PLA2G4E: variants seen among roughly 807,000 people sequenced by gnomAD.
PLA2G4E encodes the protein phospholipase A2 group IVE.
Under a neutral mutation model 109.1 loss-of-function variants are expected in PLA2G4E, and 84 were observed. The ratio of observed to expected loss-of-function variants is 0.77; its 90% CI spans 0.65 to 0.92. PLA2G4E has a LOEUF of 0.92. Among genes scored for constraint, PLA2G4E ranks in the 40% least tolerant of loss-of-function variants. PLA2G4E has a pLI of 0.00. For synonymous variants in PLA2G4E, 469 were observed against 436.1 expected (o/e 1.08, Z -0.94); for missense variants, 1,057 against 1,076.6 (o/e 0.98, Z 0.25).
At chr15:42,022,396 C>T (rs559839836) in intron 1 of PLA2G4E, among the ~76,000 whole-genome samples, 109 of 152,114 alleles carry the variant, frequency 7.2e-4, no homozygotes, top group African/African-American at 1.2e-3. Context: ...GATACAAGTG[C>T]CTTACATTTA....
rs538519665 is a variant in PLA2G4E at position 41,992,401 on chromosome 15, C to T, written c.1470+336G>A. Among the ~76,000 whole-genome samples, 107 of 152,310 alleles carry T rather than the reference C, an allele frequency of 7.0e-4. 1 individual carries two copies. Among genetic ancestry groups the T allele is most frequent in the African/African-American group, 2.5e-3 (104 of 41,582 alleles). On this transcript the variant is annotated intron_variant, in intron 13 of 19. Coordinates refer to ENST00000399518, the Ensembl canonical transcript of PLA2G4E. ...CTCTCCCCACCCCTAGGGTCAGACT[C>T]GCTTCATGGCGTCACTGCTCTCCAG...
rs147191125 is a variant in PLA2G4E, at chr15:42,013,948, A to G, written c.184-191T>C. ...CTCTTGTTGCCCAGGCTAGAGTGCC[A>G]TGGCGCGATCTCGGCTCACTGCAAC... is the stretch of plus-strand genomic sequence containing the variant. On this transcript the variant is annotated intron_variant, in intron 1 of 19. Coordinates refer to ENST00000399518, the Ensembl canonical transcript of PLA2G4E. 5.7e-3 allele frequency among the ~76,000 whole-genome samples: 707 copies of G among 123,660 alleles called. 3 individuals carry two copies. The highest frequency in any genetic ancestry group is 8.8e-3 in the Non-Finnish European group (559 of 63,504). The allele number at this position is 123,660 out of a possible 152,430, so 81.1% of individuals were successfully genotyped here.
At chr15:42,020,721 C>G (rs2068640179) in intron 1 of PLA2G4E, among the ~76,000 whole-genome samples, 1 of 152,150 alleles carries the variant, frequency 6.6e-6, no homozygotes, top group African/African-American at 2.4e-5. Context: ...CAGGGCCACC[C>G]AAGCAGGAGC....
chr15:41,993,709 G>A (rs1425655596), intron 12 of PLA2G4E, among the ~76,000 whole-genome samples: 1 of 152,112 alleles, frequency 6.6e-6, no homozygotes, highest in Non-Finnish European at 1.5e-5. Context: ...CTCCCTGGCA[G>A]TGCAGCTAGT....
At chr15:42,011,379 T>C (rs577598484) in intron 2 of PLA2G4E, among the ~76,000 whole-genome samples, 120 of 152,248 alleles carry the variant, frequency 7.9e-4, no homozygotes, top group African/African-American at 2.7e-3. Context: ...CAGGCATGCA[T>C]GGGGGCATGC....
At chr15:42,004,976 G>C (rs973804386) in exon 5 of PLA2G4E, 16 of 1,612,918 alleles carry the variant, frequency 9.9e-6, no homozygotes, top group Non-Finnish European at 1.4e-5. Context: ...GCTCTTCCAT[G>C]CCCTGGTAGG....
exon 3 of PLA2G4E, chr15:42,007,753 G>A (rs373381561): frequency 1.9e-6 from 3 of 1,612,798 alleles, no homozygotes; most frequent in Middle Eastern, 1.6e-4. Context: ...GGATCTGGAA[G>A]TTGAAGCTTT....
exon 13 of PLA2G4E, chr15:41,992,802 C>G (rs2068273378): frequency 1.2e-6 from 2 of 1,613,770 alleles, no homozygotes; most frequent in Non-Finnish European, 8.5e-7. Flanking sequence ...CTGTAGCCTT[C>G]CTGGCTGCGC....
At chr15:41,987,522 G>C in intron 16 of PLA2G4E, 147 bp from the exon 17 acceptor site, 1 of 709,838 alleles carries the variant, frequency 1.4e-6, no homozygotes, top group Non-Finnish European at 2.4e-6. Flanking sequence ...CAAGGTCCTG[G>C]CACTGGGGTT....
At chr15:42,004,081 C>T (rs1421637258) in intron 5 of PLA2G4E, among the ~76,000 whole-genome samples, 1 of 152,136 alleles carries the variant, frequency 6.6e-6, no homozygotes, top group African/African-American at 2.4e-5. Context: ...GAGGCCGAGG[C>T]AGGTGGATCA....
intron 1 of PLA2G4E, among the ~76,000 whole-genome samples, chr15:42,045,613 C>A (rs1889401014): frequency 6.6e-6 from 1 of 152,164 alleles, no homozygotes; most frequent in South Asian, 2.1e-4. Flanking sequence ...TCCCAGGACA[C>A]CACTTTCTCA....
intron 1 of PLA2G4E, among the ~76,000 whole-genome samples, chr15:42,047,087 A>G (rs1260294420): frequency 6.6e-6 from 1 of 152,242 alleles, no homozygotes; most frequent in African/African-American, 2.4e-5. Flanking sequence ...TTATGCTACT[A>G]TAACAGAATA....
chr15:42,001,085 G>T lies in PLA2G4E; in HGVS notation c.673+72C>A, dbSNP rs1179407209. ...CCAGGGAAGCCCTGGACTAGGTGGA[G>T]TCTGATGCTGATGGGATTTGGAAGC... On this transcript the variant is annotated intron_variant, in intron 7 of 19. Coordinates refer to ENST00000399518, the Ensembl canonical transcript of PLA2G4E. 13 of 1,474,266 alleles carry T rather than the reference G, an allele frequency of 8.8e-6. No individual in the cohort carries two copies. In the South Asian group the frequency reaches 1.3e-4, roughly 14 times the overall value. The allele number at this position is 1,474,266 out of a possible 1,614,324, so 91.3% of individuals were successfully genotyped here.
chr15:42,006,502 G>A (rs1182099080), intron 3 of PLA2G4E, among the ~76,000 whole-genome samples: 2 of 152,194 alleles, frequency 1.3e-5, no homozygotes, highest in Non-Finnish European at 2.9e-5. Context: ...CTGGGCCCCT[G>A]GGCACTGAAG....
intron 18 of PLA2G4E, among the ~76,000 whole-genome samples, chr15:41,985,274 T>C (rs1225201864): frequency 6.6e-6 from 1 of 152,226 alleles, no homozygotes; most frequent in Non-Finnish European, 1.5e-5. Context: ...ATTGTTTTCA[T>C]TGTTGCCCTG....
At chr15:42,001,294 A>G (rs1424004026) in intron 6 of PLA2G4E, 74 bp from the exon 7 acceptor site, 4 of 1,363,476 alleles carry the variant, frequency 2.9e-6, no homozygotes, top group African/African-American at 1.4e-5. Flanking sequence ...CTGAAGGGAG[A>G]TGAGGGACCA....
At chr15:42,045,270 C>T (rs929558904) in intron 1 of PLA2G4E, among the ~76,000 whole-genome samples, 1 of 152,098 alleles carries the variant, frequency 6.6e-6, no homozygotes, top group South Asian at 2.1e-4. Context: ...TGCCTCACTC[C>T]ACGTGGGTGG....
chr15:41,995,445 A>T lies in PLA2G4E; in HGVS notation c.1162T>A (p.Ser388Thr), dbSNP rs760915467. Reference sequence around the variant, plus strand: ...AGCCCCAGCAGGTGGCCATACATGGAGGTCATGGATCTTGTTCCACCCCCA... The same window carrying T: ...AGCCCCAGCAGGTGGCCATACATGGTGGTCATGGATCTTGTTCCACCCCCA... Residue 388 changes from serine to threonine, a missense_variant, in exon 12 of 20, where the codon TCC becomes ACC. Transcript: ENST00000399518. The T allele has an allele frequency of 1.5e-5, 24 of 1,613,862 alleles. No homozygotes were observed. The African/African-American group carries it at 2.4e-4, about 16-fold the overall frequency.
chr15:42,016,188 G>C (rs1305080869), intron 1 of PLA2G4E, among the ~76,000 whole-genome samples: 1 of 128,452 alleles, frequency 7.8e-6, no homozygotes. Flanking sequence ...AAGATACGAA[G>C]AAAAAAAAAG....
Sources: gnomAD v4.1 joint callset for allele counts (sites outside exome capture counted in the v4.1 genomes callset) on GRCh38, gnomAD v4.1.1 for gene constraint, MANE v1.5 for transcripts, NCBI Gene and HGNC (gene_info 2026-07-23, HGNC 2026-07-21) for gene names.